IGFL2: variants seen among roughly 807,000 people sequenced by gnomAD.
The protein encoded by IGFL2 is IGF like family member 2, also known as insulin growth factor-like family member 2.
A neutral mutation model predicts 13.9 loss-of-function variants in IGFL2; 7 were observed. That is an observed-to-expected ratio of 0.51 (90% CI 0.29 to 0.95). IGFL2 has a LOEUF of 0.95. Among genes scored for constraint, IGFL2 ranks in the 40% least tolerant of loss-of-function variants. IGFL2 has a pLI of 0.08. For missense variants in IGFL2, 138 were observed against 147.8 expected (o/e 0.93, Z 0.34); for synonymous variants, 55 against 55.8 (o/e 0.99, Z 0.07).
the IGFL2 span, among the ~76,000 whole-genome samples, chr19:46,107,304 C>G: frequency 7.9e-5 from 12 of 152,172 alleles, no homozygotes; most frequent in African/African-American, 2.9e-4. Context: ...CGGGCAGCGT[C>G]AGTCTTCAGC....
chr19:46,199,132 C>T, the IGFL2 span, among the ~76,000 whole-genome samples: 6 of 152,168 alleles, frequency 3.9e-5, no homozygotes, highest in East Asian at 1.2e-3. Context: ...CAGGGTAGGG[C>T]AGCAGTTGGA....
At chr19:46,117,115 C>G in the IGFL2 span, among the ~76,000 whole-genome samples, 1 of 151,966 alleles carries the variant, frequency 6.6e-6, no homozygotes, top group Non-Finnish European at 1.5e-5. Context: ...ATGTAAGGTA[C>G]TTTATTATTT....
the IGFL2 span, among the ~76,000 whole-genome samples, chr19:46,108,780 A>G: frequency 3.3e-5 from 5 of 151,980 alleles, no homozygotes; most frequent in East Asian, 7.7e-4. Flanking sequence ...CCAACGGAAG[A>G]CTGTCTGGAG....
At chr19:46,211,728 G>A in the IGFL2 span, 1 of 152,178 alleles carries the variant, frequency 6.6e-6, no homozygotes, top group Admixed American at 6.6e-5. Context: ...CAGGTCTCCT[G>A]ACCTCTCACC....
chr19:46,115,292 G>C, the IGFL2 span, among the ~76,000 whole-genome samples: 5 of 152,080 alleles, frequency 3.3e-5, no homozygotes, highest in South Asian at 2.1e-4. Flanking sequence ...TCTCCAGCCT[G>C]GTTTGCAAGC....
the IGFL2 span, among the ~76,000 whole-genome samples, chr19:46,091,065 C>G: frequency 6.6e-6 from 1 of 152,126 alleles, no homozygotes; most frequent in African/African-American, 2.4e-5. Context: ...TCTTATTATG[C>G]TATAACTAGG....
chr19:46,106,611 G>T, the IGFL2 span, among the ~76,000 whole-genome samples: 1 of 152,148 alleles, frequency 6.6e-6, no homozygotes, highest in Non-Finnish European at 1.5e-5. Flanking sequence ...GGCACTATGG[G>T]GTGGATAGGC....
In IGFL2 at chr19:46,161,122, G is replaced by C; in HGVS notation, c.*34G>C. On this transcript the variant is annotated 3_prime_UTR_variant, in exon 4 of 4. Coordinates refer to ENST00000377693, the MANE Select transcript of IGFL2 (RefSeq NM_001135113.2). ...AGAAAGAAAATCAACTTTCACTAAG[G>C]CATCTCAGAAACATAGGCTAAGGTA... 6.5e-7 allele frequency: 1 copy of C among 1,547,544 alleles called. No individual in the cohort carries two copies. Among genetic ancestry groups the C allele is most frequent in the South Asian group, 1.2e-5 (1 of 85,964 alleles).
At chr19:46,145,600 A>ATATGTGTGTG (rs1177221696), upstream of IGFL2, among the ~76,000 whole-genome samples, 1 of 94,450 alleles carries the variant, frequency 1.1e-5, no homozygotes, top group Non-Finnish European at 2.8e-5. Context: ...ACTCATATAT[A>ATATGTGTGTG]TGTGTGTGTG....
At chr19:46,186,051 C>T in the IGFL2 span, among the ~76,000 whole-genome samples, 1 of 152,180 alleles carries the variant, frequency 6.6e-6, no homozygotes, top group Non-Finnish European at 1.5e-5. Flanking sequence ...TTCTCCAGGT[C>T]TCGGGAACCT....
At chr19:46,199,247 G>A in the IGFL2 span, among the ~76,000 whole-genome samples, 3 of 152,166 alleles carry the variant, frequency 2.0e-5, no homozygotes, top group Non-Finnish European at 4.4e-5. Context: ...AAAGTGAGAT[G>A]GGAGAATTAA....
chr19:46,161,560 AC>A (rs1294671507), downstream of IGFL2, among the ~76,000 whole-genome samples: 1 of 151,708 alleles, frequency 6.6e-6, no homozygotes, highest in Non-Finnish European at 1.5e-5. Context: ...GTTGAATTGA[AC>A]CCTTTACCAT....
the IGFL2 span, among the ~76,000 whole-genome samples, chr19:46,202,365 A>G: frequency 6.6e-6 from 1 of 152,198 alleles, no homozygotes; most frequent in Non-Finnish European, 1.5e-5. Context: ...GCAGAAGAAA[A>G]TAAGATGCTT....
At chr19:46,078,862 G>GATGGGTGAGGCGGC in the IGFL2 span, among the ~76,000 whole-genome samples, 1 of 146,242 alleles carries the variant, frequency 6.8e-6, no homozygotes, top group African/African-American at 2.5e-5. Context: ...TCGCGCAGGC[G>GATGGGTGAGGCGGC]TCGTCAGTAG....
chr19:46,133,766 G>A, the IGFL2 span, among the ~76,000 whole-genome samples: 2 of 152,270 alleles, frequency 1.3e-5, no homozygotes, highest in East Asian at 3.8e-4. Flanking sequence ...CCTCTGAAGA[G>A]GAACCTCTAC....
the IGFL2 span, among the ~76,000 whole-genome samples, chr19:46,121,120 A>G: frequency 6.7e-6 from 1 of 150,228 alleles, no homozygotes; most frequent in Non-Finnish European, 1.5e-5. Context: ...GCTCACTCCT[A>G]TAGTCCCAGC....
chr19:46,210,026 T>C, the IGFL2 span: 1 of 152,296 alleles, frequency 6.6e-6, no homozygotes, highest in Admixed American at 6.5e-5. Flanking sequence ...TCCAGACATC[T>C]GGTGGTAAAT....
the IGFL2 span, among the ~76,000 whole-genome samples, chr19:46,126,445 T>G: frequency 1.3e-5 from 2 of 152,232 alleles, no homozygotes; most frequent in African/African-American, 2.4e-5. Context: ...CTTTCATCTA[T>G]TCCTAGAGAT....
the IGFL2 span, among the ~76,000 whole-genome samples, chr19:46,082,676 C>T: frequency 4.0e-4 from 61 of 151,102 alleles, no homozygotes; most frequent in African/African-American, 9.3e-4. Flanking sequence ...GCAGCTGGAG[C>T]GCAGTGGTGC....
Sources: allele counts gnomAD v4.1 joint callset (sites outside exome capture counted in the v4.1 genomes callset), GRCh38; gene constraint gnomAD v4.1.1; transcripts MANE v1.5; gene names NCBI Gene and HGNC (gene_info 2026-07-23, HGNC 2026-07-21).